ARHGAP45: variants seen among roughly 807,000 people sequenced by gnomAD.
The protein encoded by ARHGAP45 is Rho GTPase activating protein 45.
In ARHGAP45, 56 loss-of-function variants were observed where a neutral mutation model predicts 116.1. That is an observed-to-expected ratio of 0.48 (90% CI 0.39 to 0.60). ARHGAP45 has a LOEUF of 0.60. Ranked by LOEUF, ARHGAP45 falls within the 20% of genes least tolerant of loss-of-function variation. The probability of loss-of-function intolerance (pLI) is 0.00; values close to 1 mark genes in which losing one functional copy is unlikely to be tolerated. For synonymous variants in ARHGAP45, 866 were observed against 701.7 expected, an observed-to-expected ratio of 1.23 and a Z score of -3.70; for missense variants, 1,622 against 1,601.0, an observed-to-expected ratio of 1.01 and a Z score of -0.22.
rs1007228768 is a variant in ARHGAP45, at chr19:1,069,094, G to A, written c.421+350G>A. On this transcript the variant is annotated intron_variant, in intron 2 of 22. Coordinates refer to ENST00000313093, the MANE Select transcript of ARHGAP45 (RefSeq NM_012292.5). The surrounding 1 kb of genome is among the most constrained non-coding windows in gnomAD (Gnocchi z 4.1). ...GGGGTGCCGCTGGTGTAGGATGAAG[G>A]CATGACAACGCCAGGCAGAAGGGCA... is the stretch of plus-strand genomic sequence containing the variant. 2.6e-5 allele frequency among the ~76,000 whole-genome samples: 4 copies of A among 152,136 alleles called. No homozygotes were observed. Among genetic ancestry groups the A allele is most frequent in the African/African-American group, 9.7e-5 (4 of 41,416 alleles).
chr19:1,083,510 T>G (rs955684993), intron 21 of ARHGAP45, among the ~76,000 whole-genome samples, 157 bp downstream of exon 21: 7 of 152,168 alleles, frequency 4.6e-5, no homozygotes, highest in African/African-American at 1.7e-4. Context: ...TTTGTGTCTT[T>G]TATGCAAAAA....
rs571919426 is a variant in ARHGAP45, at chr19:1,067,230, C to T, written c.-176C>T. On this transcript the variant is annotated 5_prime_UTR_variant, in exon 1 of 23. Transcript: ENST00000313093. ...GGGCGAGGCCGCGTCGCCGCCTCCC[C>T]GAAGCCTTTTCCTGTTGGGGGGAGG... is the stretch of plus-strand genomic sequence containing the variant. 6.7e-6 allele frequency: 9 copies of T among 1,348,858 alleles called. No homozygotes were observed. Among genetic ancestry groups the T allele is most frequent in the Middle Eastern group, 2.7e-4 (1 of 3,682 alleles). 83.6% of individuals were successfully genotyped at this position (1,348,858 alleles called of 1,614,324 possible).
At chr19:1,085,510 T>TCCATCTCTCC (rs761083303) in intron 22 of ARHGAP45, 150 bp from the exon 23 acceptor site, 6 of 544,552 alleles carry the variant, frequency 1.1e-5, no homozygotes, top group Non-Finnish European at 2.0e-5. Flanking sequence ...TTGTCTCTCC[T>TCCATCTCTCC]CCATCTCTCC....
At chr19:1,077,468 C>G in intron 10 of ARHGAP45, 2 of 1,030,486 alleles carry the variant, frequency 1.9e-6, no homozygotes, top group Non-Finnish European at 2.4e-6. Context: ...CCTTCGCCTC[C>G]TGGGTTCAAG....
At chr19:1,079,007 C>T (rs926591212) in intron 11 of ARHGAP45, among the ~76,000 whole-genome samples, 6 of 151,674 alleles carry the variant, frequency 4.0e-5, no homozygotes, top group Admixed American at 6.6e-5. Context: ...GGTGAAACCC[C>T]GTCTCTACTA....
At chr19:1,079,562 C>T in intron 11 of ARHGAP45, 141 bp from the exon 12 acceptor site, 3 of 960,150 alleles carry the variant, frequency 3.1e-6, no homozygotes, top group Middle Eastern at 3.4e-4. Flanking sequence ...TGGTCTCGAA[C>T]TCCTGGCCTC....
rs2043479860 is a variant in ARHGAP45, at chr19:1,082,829, AC to A, written c.2518-10del. 6.7e-7 allele frequency: 1 copy of A among 1,483,404 alleles called. No individual in the cohort carries two copies. The highest frequency in any genetic ancestry group is 9.0e-7 in the Non-Finnish European group (1 of 1,116,502). The allele number at this position is 1,483,404 out of a possible 1,614,324, so 91.9% of individuals were successfully genotyped here. On this transcript the variant is annotated splice_polypyrimidine_tract_variant and intron_variant, in intron 19 of 22. Transcript: ENST00000313093. ...GCCCACCAACACCTGCTGACCCTTG[AC>A]TCTGCGCAGCTTCCCGAGCCGCTCA...
chr19:1,083,323 G>C lies in ARHGAP45; in HGVS notation c.2925G>C (p.Glu975Asp). ...TCGTCCACTACGGCCTGGTCTTCGAGGAGGAGCCGGAGGAGACCCCCGGGG... is the reference window on the plus strand; with the variant it reads ...TCGTCCACTACGGCCTGGTCTTCGACGAGGAGCCGGAGGAGACCCCCGGGG... ...TLIVHYGLVF[E>D]EEPEETPGGQ... The change falls in exon 21 of 23, where the codon GAG becomes GAC. Residue 975 changes from glutamate to aspartate, a missense_variant. Transcript: ENST00000313093. The C allele has an allele frequency of 6.4e-7, 1 of 1,556,978 alleles. No homozygotes were observed.
chr19:1,077,827 G>C (rs753891025), intron 10 of ARHGAP45, 30 bp from the exon 11 acceptor site: 1 of 1,551,048 alleles, frequency 6.4e-7, no homozygotes, highest in African/African-American at 1.4e-5. Flanking sequence ...GATAGGGTTG[G>C]AACTGGCCTC....
chr19:1,078,326 G>A (rs1257764172), intron 11 of ARHGAP45, among the ~76,000 whole-genome samples: 1 of 151,724 alleles, frequency 6.6e-6, no homozygotes, highest in Non-Finnish European at 1.5e-5. Context: ...TGTATTTTTA[G>A]TAGAGACGGG....
rs1397184734 is a variant in ARHGAP45, at chr19:1,071,354, C to T, written c.422-1795C>T. 3 of 1,334,292 alleles carry T rather than the reference C, an allele frequency of 2.2e-6. No homozygotes were observed. In the African/African-American group the frequency reaches 4.7e-5, roughly 21 times the overall value. The allele number at this position is 1,334,292 out of a possible 1,614,324, so 82.7% of individuals were successfully genotyped here. On this transcript the variant is annotated intron_variant, in intron 2 of 22. Coordinates refer to ENST00000313093, the MANE Select transcript of ARHGAP45 (RefSeq NM_012292.5). The surrounding 1 kb of genome is among the most constrained non-coding windows in gnomAD (Gnocchi z 4.6). ...GCCCCGTGCGCTGCCGGGCGGGCCC[C>T]CGAGGTGAGGGGACAGGTGCCGGGC...
intron 8 of ARHGAP45, 47 bp downstream of exon 8, chr19:1,074,454 G>T (rs1186397694): frequency 6.8e-7 from 1 of 1,464,860 alleles, no homozygotes; most frequent in Non-Finnish European, 9.1e-7. Flanking sequence ...GCCCGGGTGT[G>T]AGTCTCAGCC....
intron 6 of ARHGAP45, 33 bp downstream of exon 6, chr19:1,074,047 G>A (rs1341610060): frequency 2.5e-6 from 4 of 1,603,042 alleles, no homozygotes; most frequent in Non-Finnish European, 1.7e-6. Context: ...GCAGGCATTT[G>A]AGGGGTGGGC....
chr19:1,081,450 T>TG, intron 17 of ARHGAP45, 100 bp from the exon 18 acceptor site: 1 of 1,180,142 alleles, frequency 8.5e-7, no homozygotes, highest in Non-Finnish European at 1.1e-6. Context: ...AGCTGCCGTG[T>TG]GGGGGCTGTG....
Position 1,085,661 on chromosome 19 carries a change from A to G in ARHGAP45, c.3066A>G (p.Glu1022=). ...CCGCCATCTGTCTCCCTTTCTTAGA[A>G]TCCCGAGTTGTGTCCAACGATTCGG... is the stretch of plus-strand genomic sequence containing the variant. ...LQEAAADGCR[E]SRVVSNDSDS... The change falls in exon 23 of 23, where the codon GAA becomes GAG. Residue 1022 remains glutamate, a splice_region_variant and synonymous_variant. Coordinates refer to ENST00000313093, the MANE Select transcript of ARHGAP45 (RefSeq NM_012292.5). 1 of 1,550,814 alleles carries G rather than the reference A, an allele frequency of 6.4e-7. No individual in the cohort carries two copies. The highest frequency in any genetic ancestry group is 8.7e-7 in the Non-Finnish European group (1 of 1,144,036).
intron 11 of ARHGAP45, among the ~76,000 whole-genome samples, chr19:1,079,480 G>A (rs1599764602): frequency 6.9e-6 from 1 of 144,842 alleles, no homozygotes; most frequent in South Asian, 2.2e-4. Context: ...CTCCAGCCTG[G>A]CCTACAGAGC....
rs752595842 is a variant in ARHGAP45 at position 1,069,420 on chromosome 19, C to T, written c.421+676C>T. Among the ~76,000 whole-genome samples the T allele has an allele frequency of 2.6e-5, 4 of 152,250 alleles. No homozygotes were observed. The highest frequency in any genetic ancestry group is 4.4e-5 in the Non-Finnish European group (3 of 68,048). On this transcript the variant is annotated intron_variant, in intron 2 of 22. Transcript: ENST00000313093. This position sits in a 1 kb window ranked among gnomAD's most constrained non-coding sequence, Gnocchi z 4.1. ...CACCTCATGTGCTGCCTTCAGCCCC[C>T]GGCTCCTCCCAGAAACCACAGTGCC... is the stretch of plus-strand genomic sequence containing the variant.
At chr19:1,085,585 C>T in intron 22 of ARHGAP45, 75 bp from the exon 23 acceptor site, 1 of 1,115,304 alleles carries the variant, frequency 9.0e-7, no homozygotes, top group Non-Finnish European at 1.3e-6. Flanking sequence ...CCCCATCTCT[C>T]CTGTCTGTCC....
intron 21 of ARHGAP45, among the ~76,000 whole-genome samples, 191 bp from the exon 22 acceptor site, chr19:1,084,047 G>A (rs1191911339): frequency 6.6e-6 from 1 of 152,104 alleles, no homozygotes; most frequent in African/African-American, 2.4e-5. Flanking sequence ...GCGGCGTCTC[G>A]TATTCTTTCA....
Sources: allele counts gnomAD v4.1 joint callset (sites outside exome capture counted in the v4.1 genomes callset), GRCh38; gene constraint gnomAD v4.1.1; non-coding constraint Gnocchi (gnomAD v3.1); transcripts MANE v1.5; gene names NCBI Gene and HGNC (gene_info 2026-07-23, HGNC 2026-07-21).